The following PPP1R16B variants were observed in gnomAD, a reference collection of about 807,000 sequenced individuals.
PPP1R16B encodes the protein protein phosphatase 1 regulatory inhibitor subunit 16B.
In PPP1R16B, 14 loss-of-function variants were observed where a neutral mutation model predicts 61.7. The observed-to-expected ratio is 0.23, with a 90% CI of 0.15 to 0.35. The LOEUF is 0.35. Among genes scored for constraint, PPP1R16B ranks in the 10% least tolerant of loss-of-function variants. The probability of loss-of-function intolerance (pLI) is 1.00; values close to 1 mark genes in which losing one functional copy is unlikely to be tolerated. For synonymous variants in PPP1R16B, 266 were observed against 305.3 expected (o/e 0.87, Z 1.34); for missense variants, 547 against 752.5 (o/e 0.73, Z 3.19).
intron 1 of PPP1R16B, among the ~76,000 whole-genome samples, chr20:38,810,971 G>A (rs983337486): frequency 4.6e-5 from 7 of 152,178 alleles, no homozygotes; most frequent in African/African-American, 1.7e-4. Flanking sequence ...ACCTTTGGGC[G>A]CTGGGCAGTA....
intron 3 of PPP1R16B, among the ~76,000 whole-genome samples, chr20:38,894,926 C>T (rs2085323135): frequency 6.6e-6 from 1 of 152,228 alleles, no homozygotes; most frequent in Non-Finnish European, 1.5e-5. Flanking sequence ...GGAACACAAA[C>T]ATGGCTGTCT....
chr20:38,905,921 T>A (rs368860026), intron 6 of PPP1R16B, 48 bp from the exon 7 acceptor site: 1 of 1,586,630 alleles, frequency 6.3e-7, no homozygotes, highest in Non-Finnish European at 8.6e-7. Flanking sequence ...CTACCGTCAA[T>A]GTGGGGCTGA....
intron 10 of PPP1R16B, among the ~76,000 whole-genome samples, chr20:38,912,763 C>G (rs1320097504): frequency 6.6e-6 from 1 of 152,178 alleles, no homozygotes; most frequent in Non-Finnish European, 1.5e-5. Context: ...TTCAGAACCA[C>G]TTATTTGAGG....
At chr20:38,823,141 G>A (rs1568653481) in intron 1 of PPP1R16B, among the ~76,000 whole-genome samples, 1 of 152,204 alleles carries the variant, frequency 6.6e-6, no homozygotes, top group East Asian at 1.9e-4. Context: ...ACTACAGCCT[G>A]CTTCTCTGCA....
At chr20:38,834,133 T>C (rs1335403416) in intron 1 of PPP1R16B, among the ~76,000 whole-genome samples, 1 of 152,208 alleles carries the variant, frequency 6.6e-6, no homozygotes, top group African/African-American at 2.4e-5. Flanking sequence ...TGTGTCTCAT[T>C]GTTTAGTGTC....
intron 10 of PPP1R16B, among the ~76,000 whole-genome samples, chr20:38,916,062 G>A (rs1194289929): frequency 6.8e-6 from 1 of 147,646 alleles, no homozygotes; most frequent in African/African-American, 2.5e-5. Context: ...AGTTCAGAAG[G>A]AGCCATTAAA....
At position 38,922,125 on chromosome 20, in the gene PPP1R16B, G is replaced by A. The variant is rs1367366286; in HGVS notation, c.*3459G>A. 1 of 152,220 alleles carries A rather than the reference G, an allele frequency of 6.6e-6. No homozygotes were observed. Among genetic ancestry groups the A allele is most frequent in the African/African-American group, 2.4e-5 (1 of 41,442 alleles). 9.4% of individuals were successfully genotyped at this position (152,220 alleles called of 1,614,324 possible). A position where few individuals can be genotyped will look rare whatever the true frequency, so the allele number is the denominator to read the frequency against. On this transcript the variant is annotated 3_prime_UTR_variant, in exon 11 of 11. Coordinates refer to ENST00000299824, the MANE Select transcript of PPP1R16B (RefSeq NM_015568.4). ...GGAAGCTGAATAAACTCTAGGCCCAGGGCTACTAAAGACTTCAGGATAGAA... is the reference window on the plus strand; with the variant it reads ...GGAAGCTGAATAAACTCTAGGCCCAAGGCTACTAAAGACTTCAGGATAGAA...
chr20:38,902,002 C>G, intron 5 of PPP1R16B, among the ~76,000 whole-genome samples: 1 of 152,142 alleles, frequency 6.6e-6, no homozygotes, highest in East Asian at 1.9e-4. Flanking sequence ...TTTTGTAGAT[C>G]TCTCCTGAAT....
chr20:38,912,843 G>T (rs1359386653), intron 10 of PPP1R16B, among the ~76,000 whole-genome samples: 1 of 152,124 alleles, frequency 6.6e-6, no homozygotes, highest in African/African-American at 2.4e-5. Context: ...CTTCAGGGAT[G>T]ACTTTGGTTC....
At chr20:38,867,394 A>G (rs2085097725) in intron 2 of PPP1R16B, among the ~76,000 whole-genome samples, 1 of 152,172 alleles carries the variant, frequency 6.6e-6, no homozygotes, top group South Asian at 2.1e-4. Context: ...CATGGTTCAG[A>G]TGCTGGGATC....
At chr20:38,879,334 C>A (rs1325210011) in intron 2 of PPP1R16B, among the ~76,000 whole-genome samples, 4 of 152,120 alleles carry the variant, frequency 2.6e-5, no homozygotes, top group Non-Finnish European at 5.9e-5. Context: ...AGAAATCTTA[C>A]AGGCCCATAT....
intron 4 of PPP1R16B, among the ~76,000 whole-genome samples, chr20:38,900,119 C>T (rs1029310728): frequency 3.3e-5 from 5 of 152,098 alleles, no homozygotes; most frequent in East Asian, 3.8e-4. Flanking sequence ...TTTCCCCTTG[C>T]GTGAGATGGG....
intron 6 of PPP1R16B, among the ~76,000 whole-genome samples, chr20:38,904,337 G>C (rs765265059): frequency 2.0e-5 from 3 of 152,182 alleles, no homozygotes; most frequent in African/African-American, 7.2e-5. Context: ...CCATGGGCTG[G>C]GCATATACTA....
At chr20:38,818,198 C>G (rs1473723882) in intron 1 of PPP1R16B, among the ~76,000 whole-genome samples, 1 of 152,212 alleles carries the variant, frequency 6.6e-6, no homozygotes, top group Non-Finnish European at 1.5e-5. Flanking sequence ...GAGGAGCCTC[C>G]TTTTACTAAT....
At chr20:38,849,922 A>G (rs1433672404) in intron 2 of PPP1R16B, among the ~76,000 whole-genome samples, 1 of 152,108 alleles carries the variant, frequency 6.6e-6, no homozygotes, top group Non-Finnish European at 1.5e-5. Flanking sequence ...CTGTTCAGCT[A>G]GTTTTGGATT....
chr20:38,859,365 T>C (rs2085031575), intron 2 of PPP1R16B, among the ~76,000 whole-genome samples: 1 of 152,086 alleles, frequency 6.6e-6, no homozygotes, highest in Admixed American at 6.5e-5. Context: ...GTTGCAACTC[T>C]GTGCAACCAT....
chr20:38,808,925 TG>T (rs1213877764), intron 1 of PPP1R16B, among the ~76,000 whole-genome samples: 3 of 151,928 alleles, frequency 2.0e-5, no homozygotes, highest in East Asian at 3.9e-4. Context: ...CCTAGCTACT[TG>T]GGAGGCTGAG....
intron 2 of PPP1R16B, among the ~76,000 whole-genome samples, chr20:38,874,338 A>G (rs1489839921): frequency 6.6e-6 from 1 of 152,210 alleles, no homozygotes; most frequent in East Asian, 1.9e-4. Context: ...GGGGAGAGCC[A>G]GCTAGTAGCT....
chr20:38,884,657 T>C lies in PPP1R16B; in HGVS notation c.251-4938T>C, dbSNP rs186574666. On this transcript the variant is annotated intron_variant, in intron 2 of 10. Transcript: ENST00000299824. ...TTCATCCCAAGGGCACTGTTGGGGC[T>C]GGACGTGGTTGTGCGTGCGCCTGGA... Among the ~76,000 whole-genome samples the C allele has an allele frequency of 1.7e-3, 252 of 152,336 alleles. 2 individuals carry two copies. Among genetic ancestry groups the C allele is most frequent in the African/African-American group, 5.7e-3 (235 of 41,578 alleles).
Sources: gnomAD v4.1 joint callset for allele counts (sites outside exome capture counted in the v4.1 genomes callset) on GRCh38, gnomAD v4.1.1 for gene constraint, MANE v1.5 for transcripts, NCBI Gene and HGNC (gene_info 2026-07-23, HGNC 2026-07-21) for gene names.